The following FRMPD1 variants were observed in gnomAD, a reference collection of about 807,000 sequenced individuals.
The protein encoded by FRMPD1 is FERM and PDZ domain-containing protein 1.
In FRMPD1, 76 loss-of-function variants were observed where a neutral mutation model predicts 117.8. The ratio of observed to expected loss-of-function variants is 0.65; its 90% confidence interval spans 0.54 to 0.78. FRMPD1 has a LOEUF of 0.78. Among genes scored for constraint, FRMPD1 ranks in the 30% least tolerant of loss-of-function variants. The pLI, the probability that FRMPD1 is intolerant of heterozygous loss-of-function variation, is 0.00. For missense variants in FRMPD1, 1,786 were observed against 1,964.5 expected, an observed-to-expected ratio of 0.91 and a Z score of 1.72; for synonymous variants, 783 against 770.4, an observed-to-expected ratio of 1.02 and a Z score of -0.27.
chr9:37,636,558 T>TG, the FRMPD1 span: 1 of 658,380 alleles, frequency 1.5e-6, no homozygotes, highest in Non-Finnish European at 2.5e-6. Context: ...CAGAGGGAGA[T>TG]GGGGAGCCCA....
the FRMPD1 span, among the ~76,000 whole-genome samples, chr9:37,625,213 C>G: frequency 6.6e-6 from 1 of 152,138 alleles, no homozygotes; most frequent in African/African-American, 2.4e-5. Context: ...GATGAAAAAC[C>G]CTTCAAAGCT....
At chr9:37,689,996 T>A (rs1484429296) in intron 1 of FRMPD1, among the ~76,000 whole-genome samples, 2 of 152,180 alleles carry the variant, frequency 1.3e-5, no homozygotes, top group Non-Finnish European at 2.9e-5. Context: ...TGGGTCTTTT[T>A]TCATTCACTA....
At chr9:37,636,128 G>A in the FRMPD1 span, among the ~76,000 whole-genome samples, 1 of 152,226 alleles carries the variant, frequency 6.6e-6, no homozygotes, top group East Asian at 1.9e-4. Flanking sequence ...GACGGCTGGA[G>A]CTGGGAGTGT....
chr9:37,696,319 T>C (rs1822323083), intron 2 of FRMPD1, among the ~76,000 whole-genome samples: 1 of 152,070 alleles, frequency 6.6e-6, no homozygotes, highest in East Asian at 1.9e-4. Context: ...TATATATTTA[T>C]TTACCTGTTC....
At chr9:37,630,957 C>A in the FRMPD1 span, among the ~76,000 whole-genome samples, 3 of 152,156 alleles carry the variant, frequency 2.0e-5, no homozygotes, top group Admixed American at 6.5e-5. Context: ...ATACCGTGAC[C>A]TCAAGGAGCA....
intron 6 of FRMPD1, among the ~76,000 whole-genome samples, chr9:37,722,184 C>G (rs1823426685): frequency 6.6e-6 from 1 of 152,016 alleles, no homozygotes; most frequent in Non-Finnish European, 1.5e-5. Context: ...GAACATCTTC[C>G]TTTTTCCTCC....
intron 9 of FRMPD1, 98 bp from the exon 10 acceptor site, chr9:37,732,206 A>G (rs1450229802): frequency 2.3e-6 from 3 of 1,302,594 alleles, no homozygotes; most frequent in Non-Finnish European, 3.2e-6. Flanking sequence ...CCAGCTCTCA[A>G]AGCGGAGCTC....
the FRMPD1 span, among the ~76,000 whole-genome samples, chr9:37,627,638 T>G: frequency 1.3e-5 from 2 of 152,174 alleles, 1 homozygote; most frequent in Non-Finnish European, 2.9e-5. Flanking sequence ...CATGCCCAGC[T>G]AATTTTTATT....
chr9:37,739,372 G>A lies in FRMPD1; in HGVS notation c.1550-706G>A, dbSNP rs1395082486. On this transcript the variant is annotated intron_variant, in intron 14 of 15. Coordinates refer to ENST00000377765, the MANE Select transcript of FRMPD1 (RefSeq NM_014907.3). ...CCATCAGAGGGTTTAAGCAGGGTGT[G>A]ATGAGGTCAGAGAGAAGTTTGAGAA... 3.3e-5 allele frequency among the ~76,000 whole-genome samples: 5 copies of A among 152,182 alleles called. No homozygotes were observed. The East Asian group carries it at 9.6e-4, about 29-fold the overall frequency.
the FRMPD1 span, among the ~76,000 whole-genome samples, chr9:37,638,032 T>G: frequency 5.3e-5 from 6 of 113,584 alleles, 1 homozygote; most frequent in Non-Finnish European, 1.1e-4. Flanking sequence ...TTCTCTCTCT[T>G]TCTTCCTTTC....
At chr9:37,646,257 T>C (rs761791403), upstream of FRMPD1, among the ~76,000 whole-genome samples, 7 of 152,254 alleles carry the variant, frequency 4.6e-5, no homozygotes, top group Non-Finnish European at 2.9e-5. Context: ...CCAAACCGTT[T>C]CATCCCCTAT....
rs1001349811 is a variant in FRMPD1, at chr9:37,746,115, C to T, written c.4083C>T (p.His1361=). 1.9e-6 allele frequency: 3 copies of T among 1,614,054 alleles called. No individual in the cohort carries two copies. The highest frequency in any genetic ancestry group is 2.7e-5 in the African/African-American group (2 of 74,944). ...TEEEDRDLEA[H]PMAPLTSPPS... Reference sequence around the variant, plus strand: ...AAGAAGACAGGGACTTGGAAGCACACCCCATGGCCCCCCTCACCTCACCGC... The same window carrying T: ...AAGAAGACAGGGACTTGGAAGCACATCCCATGGCCCCCCTCACCTCACCGC... Residue 1361 remains histidine (H), a synonymous_variant, in exon 16 of 16, where the codon CAC becomes CAT. Transcript: ENST00000377765.
At chr9:37,666,347 A>G (rs1430157713) in intron 1 of FRMPD1, among the ~76,000 whole-genome samples, 1 of 152,190 alleles carries the variant, frequency 6.6e-6, no homozygotes, top group Non-Finnish European at 1.5e-5. Context: ...AAATGTCCTT[A>G]GTCCCACACT....
At position 37,746,288 on chromosome 9, in the gene FRMPD1, C is replaced by T. The variant is rs1315865385; in HGVS notation, c.4256C>T (p.Pro1419Leu). 6.2e-7 allele frequency: 1 copy of T among 1,612,792 alleles called. No homozygotes were observed. The highest frequency in any genetic ancestry group is 1.3e-5 in the African/African-American group (1 of 75,082). ...CTGAAAGCCACCCCTGCCAGCACCC[C>T]TGAGGGCTTCATCCAACTCATGGAG... ...RQLKATPASTPEGFIQLMESL... is the reference protein window; with the variant it reads ...RQLKATPASTLEGFIQLMESL... The change falls in exon 16 of 16, where the codon CCT becomes CTT. Residue 1419 changes from proline to leucine, a missense_variant. Coordinates refer to ENST00000377765, the MANE Select transcript of FRMPD1 (RefSeq NM_014907.3).
chr9:37,668,565 G>C (rs1327018305), intron 1 of FRMPD1: 1 of 152,324 alleles, frequency 6.6e-6, no homozygotes, highest in Non-Finnish European at 1.5e-5. Flanking sequence ...TTCTTTCCGA[G>C]GAAGAGTCCC....
the FRMPD1 span, among the ~76,000 whole-genome samples, chr9:37,615,379 G>A: frequency 6.6e-6 from 1 of 152,110 alleles, no homozygotes; most frequent in South Asian, 2.1e-4. Flanking sequence ...TGAAAGTGCT[G>A]GGATTACAGG....
rs1822760486 is a variant in FRMPD1, at chr9:37,707,580, G to T, written c.259+7G>T. 6.2e-7 allele frequency: 1 copy of T among 1,611,296 alleles called. No homozygotes were observed. The highest frequency in any genetic ancestry group is 1.7e-5 in the Admixed American group (1 of 59,764). On this transcript the variant is annotated splice_region_variant and intron_variant, in intron 3 of 15. Transcript: ENST00000377765. ...GTGGTGGCTGTCACAGCAGGTAGGG[G>T]ATGACTGGGAAATGAGAAAGGAGTT... is the stretch of plus-strand genomic sequence containing the variant.
intron 1 of FRMPD1, among the ~76,000 whole-genome samples, chr9:37,654,609 T>C (rs1820784537): frequency 6.6e-6 from 1 of 152,224 alleles, no homozygotes; most frequent in Admixed American, 6.5e-5. Flanking sequence ...GTAAAGTACT[T>C]AGAATAGTGC....
intron 1 of FRMPD1, among the ~76,000 whole-genome samples, chr9:37,655,577 C>T (rs1394039260): frequency 6.8e-6 from 1 of 146,874 alleles, no homozygotes; most frequent in African/African-American, 2.5e-5. Context: ...GATCTCGGCT[C>T]ACTGCAACCT....
Sources: gnomAD v4.1 joint callset for allele counts (sites outside exome capture counted in the v4.1 genomes callset) on GRCh38, gnomAD v4.1.1 for gene constraint, MANE v1.5 for transcripts, NCBI Gene and HGNC (gene_info 2026-07-23, HGNC 2026-07-21) for gene names.